SEMA3E: variants seen among roughly 807,000 people sequenced by gnomAD.
SEMA3E encodes the protein semaphorin-3E.
SEMA3E carries 49 observed loss-of-function variants against 93.6 expected under a neutral mutation model. The observed-to-expected ratio is 0.52, with a 90% CI of 0.42 to 0.66. SEMA3E has a LOEUF of 0.66. SEMA3E is among the 30% of genes least tolerant of loss of function. The pLI is 0.00. For synonymous variants in SEMA3E, 363 were observed against 330.7 expected (o/e 1.10, Z -1.06); for missense variants, 906 against 964.8 (o/e 0.94, Z 0.81).
chr7:83,483,730 A>G (rs1295110054), intron 2 of SEMA3E, among the ~76,000 whole-genome samples: 1 of 143,240 alleles, frequency 7.0e-6, no homozygotes, highest in African/African-American at 2.8e-5. Flanking sequence ...AGTACTGACA[A>G]TATAACAAGG....
At chr7:83,647,402 C>T (rs1181889809) in intron 1 of SEMA3E, among the ~76,000 whole-genome samples, 1 of 152,090 alleles carries the variant, frequency 6.6e-6, no homozygotes, top group African/African-American at 2.4e-5. Flanking sequence ...TAAAAGCTTA[C>T]ACAATTGAAA....
intron 1 of SEMA3E, among the ~76,000 whole-genome samples, chr7:83,603,528 A>G (rs1312259460): frequency 6.6e-6 from 1 of 152,152 alleles, no homozygotes; most frequent in Non-Finnish European, 1.5e-5. Context: ...TAGAAAAATG[A>G]CATATCTTTT....
chr7:83,640,612 A>C (rs1793988015), intron 1 of SEMA3E, among the ~76,000 whole-genome samples: 1 of 152,220 alleles, frequency 6.6e-6, no homozygotes, highest in Non-Finnish European at 1.5e-5. Flanking sequence ...GTAAGTTTAA[A>C]GTTTTTCTAA....
intron 1 of SEMA3E, among the ~76,000 whole-genome samples, chr7:83,554,863 G>A (rs1791851546): frequency 6.6e-6 from 1 of 152,070 alleles, no homozygotes; most frequent in African/African-American, 2.4e-5. Flanking sequence ...TGTAGTCCCA[G>A]CTACTAGGGA....
intron 1 of SEMA3E, among the ~76,000 whole-genome samples, chr7:83,508,926 C>A (rs193069358): frequency 6.6e-6 from 1 of 152,038 alleles, no homozygotes; most frequent in Non-Finnish European, 1.5e-5. Flanking sequence ...ATAGCAAATT[C>A]GTTAAGTACA....
intron 4 of SEMA3E, among the ~76,000 whole-genome samples, chr7:83,436,924 C>T (rs2713163): frequency 0.62 from 94,430 of 151,956 alleles, 33,168 homozygotes; most frequent in East Asian, 1. Context: ...GCTGAGGAAG[C>T]CTCACAATCA....
At chr7:83,522,023 C>A (rs115954019) in intron 1 of SEMA3E, among the ~76,000 whole-genome samples, 1,574 of 152,164 alleles carry the variant, frequency 0.01, 25 homozygotes, top group African/African-American at 0.033. Flanking sequence ...TAGAGATTAG[C>A]TCTATATCTA....
chr7:83,600,280 G>A (rs1161916752), intron 1 of SEMA3E, among the ~76,000 whole-genome samples: 1 of 151,564 alleles, frequency 6.6e-6, no homozygotes, highest in Admixed American at 6.6e-5. Flanking sequence ...ACACTAGAAA[G>A]GAAGCATCTG....
At chr7:83,606,161 C>G (rs929166383) in intron 1 of SEMA3E, among the ~76,000 whole-genome samples, 1 of 152,148 alleles carries the variant, frequency 6.6e-6, no homozygotes, top group African/African-American at 2.4e-5. Flanking sequence ...TGACTGCTGT[C>G]TGGGATGCAT....
intron 2 of SEMA3E, among the ~76,000 whole-genome samples, chr7:83,483,014 C>T (rs889529330): frequency 1.3e-5 from 2 of 151,590 alleles, no homozygotes; most frequent in Non-Finnish European, 1.5e-5. Context: ...ACTATATTTG[C>T]TCAGCTCAAA....
At chr7:83,466,354 C>G (rs1304688589) in intron 4 of SEMA3E, 128 bp downstream of exon 4, 6 of 1,145,974 alleles carry the variant, frequency 5.2e-6, no homozygotes, top group African/African-American at 4.6e-5. Flanking sequence ...TTCTCTGTCT[C>G]AAGCAAACTG....
intron 4 of SEMA3E, among the ~76,000 whole-genome samples, chr7:83,457,875 T>C (rs1789521425): frequency 6.6e-6 from 1 of 152,134 alleles, no homozygotes; most frequent in Admixed American, 6.5e-5. Flanking sequence ...ACCGATTCCA[T>C]AAATCCCTGC....
rs1794640711 is a variant in SEMA3E, at chr7:83,364,718, AG to A, written c.*2867del. The A allele has an allele frequency of 6.6e-6, 1 of 152,234 alleles. No homozygotes were observed. The highest frequency in any genetic ancestry group is 2.4e-5 in the African/African-American group (1 of 41,460). The allele number at this position is 152,234 out of a possible 1,614,324, so 9.4% of individuals were successfully genotyped here. On this transcript the variant is annotated 3_prime_UTR_variant, in exon 17 of 17. Transcript: ENST00000643230. Reference sequence around the variant, plus strand: ...ACAGGTCCTCTCCTGTAACAAAGATAGAAGAGGTCTAAAGAAGCAGGAGACC... The same window carrying A: ...ACAGGTCCTCTCCTGTAACAAAGATAAAGAGGTCTAAAGAAGCAGGAGACC...
intron 4 of SEMA3E, among the ~76,000 whole-genome samples, chr7:83,419,056 C>G (rs75995968): frequency 6.6e-6 from 1 of 151,706 alleles, no homozygotes; most frequent in African/African-American, 2.4e-5. Flanking sequence ...ACGTCTCATC[C>G]CCCTCCAGTG....
chr7:83,371,147 G>T (rs969733909), intron 16 of SEMA3E, among the ~76,000 whole-genome samples: 5 of 152,174 alleles, frequency 3.3e-5, no homozygotes, highest in Non-Finnish European at 7.3e-5. Flanking sequence ...TTGGAATCAT[G>T]TGAAAGATCA....
intron 1 of SEMA3E, among the ~76,000 whole-genome samples, chr7:83,636,291 A>C (rs531912662): frequency 6.6e-6 from 1 of 152,252 alleles, no homozygotes; most frequent in East Asian, 1.9e-4. Context: ...ATATGTTGCA[A>C]AAGGGGCAGA....
intron 4 of SEMA3E, among the ~76,000 whole-genome samples, chr7:83,451,002 T>C (rs1789348507): frequency 6.6e-6 from 1 of 152,010 alleles, no homozygotes; most frequent in Non-Finnish European, 1.5e-5. Flanking sequence ...AGGAACCAGG[T>C]AGAGATAATT....
At chr7:83,406,665 TC>T (rs1788336324) in intron 7 of SEMA3E, among the ~76,000 whole-genome samples, 1 of 152,108 alleles carries the variant, frequency 6.6e-6, no homozygotes, top group South Asian at 2.1e-4. Context: ...TTTTAAATGT[TC>T]CCAAACAACC....
chr7:83,567,768 G>A (rs1792193828), intron 1 of SEMA3E, among the ~76,000 whole-genome samples: 1 of 151,818 alleles, frequency 6.6e-6, no homozygotes, highest in African/African-American at 2.4e-5. Flanking sequence ...AGTGCTGAGA[G>A]CAGTTTATAA....
Sources: gnomAD v4.1 joint callset for allele counts (sites outside exome capture counted in the v4.1 genomes callset) on GRCh38, gnomAD v4.1.1 for gene constraint, MANE v1.5 for transcripts, NCBI Gene and HGNC (gene_info 2026-07-23, HGNC 2026-07-21) for gene names.